Variants in CEMIP observed in about 807,000 individuals in gnomAD.
CEMIP encodes the protein cell migration-inducing and hyaluronan-binding protein.
Under a neutral mutation model 156.9 loss-of-function variants are expected in CEMIP, and 105 were observed. The observed-to-expected ratio is 0.67, with a 90% CI of 0.57 to 0.79. The LOEUF is 0.79. Ranked by LOEUF, CEMIP falls within the 30% of genes least tolerant of loss-of-function variation. The pLI is 0.00. For missense variants in CEMIP, 1,457 were observed against 1,769.4 expected (o/e 0.82, Z 3.17); for synonymous variants, 676 against 668.4 (o/e 1.01, Z -0.17).
At chr15:80,849,513 C>T (rs564456436) in intron 1 of CEMIP, among the ~76,000 whole-genome samples, 16 of 152,310 alleles carry the variant, frequency 1.1e-4, no homozygotes, top group Admixed American at 6.5e-4. Flanking sequence ...ACCCACTTCA[C>T]GCCGTGGGAT....
chr15:80,922,196 C>T lies in CEMIP; in HGVS notation c.2202+59C>T. 3 of 1,605,850 alleles carry T rather than the reference C, an allele frequency of 1.9e-6. No homozygotes were observed. In the South Asian group the frequency reaches 3.3e-5, roughly 18 times the overall value. On this transcript the variant is annotated intron_variant, in intron 17 of 29. Transcript: ENST00000394685. Reference sequence around the variant, plus strand: ...CCTCTCGGTCCCCTTCCCAGGCCTGCAGATGATTAGAGCCGGGACAGCCAG... The same window carrying T: ...CCTCTCGGTCCCCTTCCCAGGCCTGTAGATGATTAGAGCCGGGACAGCCAG...
chr15:80,839,476 G>C (rs1348345113), intron 1 of CEMIP, among the ~76,000 whole-genome samples: 1 of 152,134 alleles, frequency 6.6e-6, no homozygotes, highest in Admixed American at 6.5e-5. Context: ...CCTGCAAACC[G>C]GGCCCTGCAG....
At chr15:80,878,890 CT>C (rs1898555574) in intron 4 of CEMIP, 23 bp downstream of exon 4, 1 of 1,613,938 alleles carries the variant, frequency 6.2e-7, no homozygotes, top group Non-Finnish European at 8.5e-7. Context: ...CTCTCTGCTG[CT>C]CCCTCTTCCC....
chr15:80,820,782 TATA>T (rs1265509852), intron 1 of CEMIP, among the ~76,000 whole-genome samples: 1 of 152,198 alleles, frequency 6.6e-6, no homozygotes, highest in African/African-American at 2.4e-5. Context: ...GAAAAGAAAT[TATA>T]ATAATACTTA....
intron 14 of CEMIP, among the ~76,000 whole-genome samples, chr15:80,919,156 C>T (rs112268415): frequency 0.016 from 2,507 of 152,288 alleles, 64 homozygotes; most frequent in African/African-American, 0.058. Context: ...TGAACCCAGG[C>T]GTTGCAAATG....
intron 1 of CEMIP, among the ~76,000 whole-genome samples, chr15:80,839,289 A>ATGTGTGTGT (rs71455356): frequency 3.0e-5 from 4 of 131,186 alleles, no homozygotes; most frequent in African/African-American, 1.2e-4. Context: ...CAAGGCCGTG[A>ATGTGTGTGT]GTGTGTGTGT....
At chr15:80,781,014 G>A (rs1052260158) in intron 1 of CEMIP, among the ~76,000 whole-genome samples, 19 of 152,170 alleles carry the variant, frequency 1.2e-4, no homozygotes, top group African/African-American at 4.1e-4. Context: ...ACCTCCCGGG[G>A]GCACTCTGTG....
intron 9 of CEMIP, 84 bp from the exon 10 acceptor site, chr15:80,889,387 T>C (rs1898958771): frequency 1.9e-6 from 3 of 1,590,134 alleles, no homozygotes; most frequent in Non-Finnish European, 2.6e-6. Context: ...CCCATGGTGC[T>C]GAGGATGCTT....
intron 1 of CEMIP, among the ~76,000 whole-genome samples, chr15:80,826,155 T>TC (rs1382589007): frequency 1.3e-5 from 2 of 152,224 alleles, no homozygotes; most frequent in African/African-American, 4.8e-5. Flanking sequence ...ATATATGTGA[T>TC]CCTACTCTCA....
intron 1 of CEMIP, among the ~76,000 whole-genome samples, chr15:80,832,301 A>C (rs1230645519): frequency 1.6e-5 from 2 of 128,260 alleles, no homozygotes; most frequent in Non-Finnish European, 3.5e-5. Context: ...AGGTTTCTGG[A>C]GCTTTGGTTT....
In CEMIP at chr15:80,920,161, GCAA is replaced by G. The variant is rs1567101200; in HGVS notation, c.1868_1870del (p.Asn623del). On this transcript the variant is annotated inframe_deletion, in exon 15 of 30. Coordinates refer to ENST00000394685, the MANE Select transcript of CEMIP (RefSeq NM_001293298.2). The stretch of plus-strand genomic sequence containing the variant: ...TTCACGGAAGATGGGCCGGAGGAAC[GCAA>G]CACTTTTGACCACTGTCTTGGCCTC... The G allele has an allele frequency of 6.2e-7, 1 of 1,614,056 alleles. No homozygotes were observed. Among genetic ancestry groups the G allele is most frequent in the Non-Finnish European group, 8.5e-7 (1 of 1,180,042 alleles).
Position 80,951,702 on chromosome 15 carries a change from A to G in CEMIP, c.*2778A>G, listed in dbSNP as rs1414939695. The G allele has an allele frequency of 6.5e-6, 1 of 153,126 alleles. No individual in the cohort carries two copies. Among genetic ancestry groups the G allele is most frequent in the African/African-American group, 2.4e-5 (1 of 41,456 alleles). 9.5% of individuals were successfully genotyped at this position (153,126 alleles called of 1,614,324 possible). A position where few individuals can be genotyped will look rare whatever the true frequency, so the allele number is the denominator to read the frequency against. ...TGCATTGCTTGGAAGGGGTGTACCT[A>G]GAGCCAAGGAAATTGGCTCTGGTTT... On this transcript the variant is annotated 3_prime_UTR_variant, in exon 30 of 30. Coordinates refer to ENST00000394685, the MANE Select transcript of CEMIP (RefSeq NM_001293298.2).
chr15:80,855,907 T>G (rs1897842783), intron 1 of CEMIP, among the ~76,000 whole-genome samples: 1 of 152,230 alleles, frequency 6.6e-6, no homozygotes, highest in Non-Finnish European at 1.5e-5. Context: ...TAGAGCATAT[T>G]AATGCAATTG....
intron 1 of CEMIP, among the ~76,000 whole-genome samples, chr15:80,872,569 G>A (rs1053058013): frequency 3.9e-5 from 6 of 152,146 alleles, no homozygotes; most frequent in East Asian, 1.9e-4. Context: ...GGTGGCTCAC[G>A]CCTGTAATCC....
chr15:80,907,400 T>C (rs1899855364), intron 13 of CEMIP, among the ~76,000 whole-genome samples: 1 of 152,060 alleles, frequency 6.6e-6, no homozygotes, highest in Non-Finnish European at 1.5e-5. Flanking sequence ...CCGTCTCTAC[T>C]AAAAATACAA....
intron 10 of CEMIP, among the ~76,000 whole-genome samples, chr15:80,894,737 A>G (rs963706100): frequency 6.6e-6 from 1 of 152,230 alleles, no homozygotes; most frequent in African/African-American, 2.4e-5. Context: ...CATAAGCAGT[A>G]GATCACTGGT....
intron 3 of CEMIP, among the ~76,000 whole-genome samples, chr15:80,876,087 AATGGCTCCTTCCCAGCATATTC>A (rs1898466759): frequency 6.6e-6 from 1 of 152,218 alleles, no homozygotes; most frequent in African/African-American, 2.4e-5. Context: ...GTGGAGTTGC[AATGGCTCCTTCCCAGCATATTC>A]ATGGCTCCTT....
At chr15:80,850,494 G>T (rs949284841) in intron 1 of CEMIP, among the ~76,000 whole-genome samples, 2 of 152,140 alleles carry the variant, frequency 1.3e-5, no homozygotes, top group Non-Finnish European at 2.9e-5. Flanking sequence ...GGCCAGGCTG[G>T]TCTCAAACTC....
In CEMIP at chr15:80,929,171, G is replaced by A. The variant is rs113116775; in HGVS notation, c.2609G>A (p.Gly870Asp). The A allele has an allele frequency of 1.2e-3, 1,932 of 1,614,200 alleles. 3 individuals are homozygous for A. The highest frequency in any genetic ancestry group is 1.4e-3 in the Non-Finnish European group (1,699 of 1,180,036). The change falls in exon 21 of 30, where the codon GGC (glycine) becomes GAC (aspartate). Residue 870 changes from glycine to aspartate, a missense_variant. By Grantham distance (94) the Gly-to-Asp change is moderately conservative. Around this residue, in one of 5 missense-constraint regions of CEMIP, gnomAD observed 798 missense variants for 980.1 expected, o/e 0.81. Transcript: ENST00000394685. Reference protein sequence around the residue: ...LDHSGRTLPIGQNFPIRGIQL... With the variant: ...LDHSGRTLPIDQNFPIRGIQL... Reference sequence around the variant, plus strand: ...CATAGCGGAAGGACCCTCCCTATAGGCCAGTAGGTTTGCAACCATGTAGCT... The same window carrying A: ...CATAGCGGAAGGACCCTCCCTATAGACCAGTAGGTTTGCAACCATGTAGCT...
Sources: allele counts gnomAD v4.1 joint callset (sites outside exome capture counted in the v4.1 genomes callset), GRCh38; gene constraint gnomAD v4.1.1; regional missense constraint gnomAD v4.1.1; transcripts MANE v1.5; gene names NCBI Gene and HGNC (gene_info 2026-07-23, HGNC 2026-07-21).